DOCK2: variants seen among roughly 807,000 people sequenced by gnomAD.
The protein encoded by DOCK2 is dedicator of cytokinesis protein 2.
A neutral mutation model predicts 248.9 loss-of-function variants in DOCK2; 87 were observed. The ratio of observed to expected loss-of-function variants is 0.35; its 90% confidence interval spans 0.29 to 0.42. The LOEUF (loss-of-function observed/expected upper bound fraction) is 0.42. Among genes scored for constraint, DOCK2 ranks in the 10% least tolerant of loss-of-function variants. DOCK2 has a pLI of 1.00. For synonymous variants in DOCK2, 805 were observed against 821.6 expected (o/e 0.98, Z 0.35); for missense variants, 1,747 against 2,300.2 (o/e 0.76, Z 4.92).
chr5:169,860,761 T>C (rs1490072029), intron 27 of DOCK2, among the ~76,000 whole-genome samples: 2 of 152,232 alleles, frequency 1.3e-5, no homozygotes, highest in African/African-American at 4.8e-5. Context: ...TTTAGTCAAG[T>C]AGAAAATGGG....
intron 46 of DOCK2, among the ~76,000 whole-genome samples, chr5:170,070,112 G>A (rs984445237): frequency 6.6e-6 from 1 of 152,216 alleles, no homozygotes; most frequent in African/African-American, 2.4e-5. Flanking sequence ...TCAGACATTC[G>A]CCCACTCTGG....
intron 22 of DOCK2, among the ~76,000 whole-genome samples, chr5:169,726,298 T>C (rs1762470252): frequency 6.6e-6 from 1 of 152,248 alleles, no homozygotes; most frequent in South Asian, 2.1e-4. Flanking sequence ...GCTGCATAAA[T>C]GTCTTCTTTT....
intron 26 of DOCK2, among the ~76,000 whole-genome samples, chr5:169,828,075 T>C (rs1250088891): frequency 6.6e-6 from 1 of 152,028 alleles, no homozygotes; most frequent in Non-Finnish European, 1.5e-5. Context: ...TACAGATAGG[T>C]TTCTGGGGAG....
chr5:169,677,255 A>C (rs767226458), intron 6 of DOCK2, among the ~76,000 whole-genome samples: 10 of 152,260 alleles, frequency 6.6e-5, no homozygotes, highest in Non-Finnish European at 1.5e-4. Context: ...AGGAGCTATC[A>C]GGCAAATTAT....
At chr5:169,989,361 T>TA (rs1385788497) in intron 29 of DOCK2, among the ~76,000 whole-genome samples, 1 of 152,220 alleles carries the variant, frequency 6.6e-6, no homozygotes, top group Non-Finnish European at 1.5e-5. Context: ...AAACCTCTTT[T>TA]ACCTCTCTTC....
rs201930456 is a variant in DOCK2 at position 169,761,502 on chromosome 5, A to G, written c.2448-17A>G. On this transcript the variant is annotated splice_polypyrimidine_tract_variant and intron_variant, in intron 24 of 51. Coordinates refer to ENST00000520908, the MANE Select transcript of DOCK2 (RefSeq NM_004946.3). ...GGTCTGCCTTGCTCTACCAGCTCCT[A>G]TTTTTCCTGCCCTCAGCCAACTCCT... The G allele has an allele frequency of 1.1e-4, 184 of 1,609,410 alleles. No homozygotes were observed. The highest frequency in any genetic ancestry group is 1.6e-4 in the South Asian group (15 of 90,922).
intron 8 of DOCK2, among the ~76,000 whole-genome samples, chr5:169,685,918 T>C (rs1759947212): frequency 6.6e-6 from 1 of 152,214 alleles, no homozygotes; most frequent in South Asian, 2.1e-4. Context: ...CCCACGTAAG[T>C]CTGTCACCAA....
chr5:169,793,072 C>T (rs1766447870), intron 25 of DOCK2, among the ~76,000 whole-genome samples: 3 of 152,134 alleles, frequency 2.0e-5, no homozygotes, highest in African/African-American at 7.2e-5. Context: ...CATTTCCTGC[C>T]ATCGGAGAGA....
intron 27 of DOCK2, among the ~76,000 whole-genome samples, chr5:169,931,623 C>T (rs1243016519): frequency 1.3e-5 from 2 of 152,230 alleles, no homozygotes; most frequent in African/African-American, 4.8e-5. Flanking sequence ...CACAAGATCT[C>T]TGAGCCTGCT....
At chr5:169,808,561 T>A (rs1479395765) in intron 26 of DOCK2, among the ~76,000 whole-genome samples, 1 of 150,388 alleles carries the variant, frequency 6.6e-6, no homozygotes, top group East Asian at 2.0e-4. Flanking sequence ...ATAAAAGGCC[T>A]GACTTCTTCC....
intron 27 of DOCK2, among the ~76,000 whole-genome samples, chr5:169,902,184 C>A (rs1340739406): frequency 6.6e-6 from 1 of 152,162 alleles, no homozygotes; most frequent in African/African-American, 2.4e-5. Context: ...AGGGGAATAA[C>A]CAGTTAGTCT....
intron 25 of DOCK2, among the ~76,000 whole-genome samples, chr5:169,765,323 G>A (rs1188981440): frequency 6.6e-6 from 1 of 152,180 alleles, no homozygotes; most frequent in Non-Finnish European, 1.5e-5. Flanking sequence ...GTCATCACCA[G>A]CCAGGTTCCC....
chr5:169,931,345 A>G (rs938938119), intron 27 of DOCK2, among the ~76,000 whole-genome samples: 10 of 152,156 alleles, frequency 6.6e-5, no homozygotes, highest in Admixed American at 1.3e-4. Context: ...AAGAACACAA[A>G]CACCAGCGTC....
chr5:169,659,831 AAC>A (rs776691587), intron 2 of DOCK2, among the ~76,000 whole-genome samples: 7 of 152,204 alleles, frequency 4.6e-5, no homozygotes, highest in Non-Finnish European at 7.3e-5. Context: ...AGAAGGGACA[AAC>A]ACAAAAAAAA....
At chr5:169,708,046 G>A (rs1761371326) in intron 14 of DOCK2, 123 bp from the exon 15 acceptor site, 3 of 884,858 alleles carry the variant, frequency 3.4e-6, no homozygotes, top group Admixed American at 4.3e-5. Context: ...CTGGCATGAG[G>A]GCTAGGGAAG....
intron 29 of DOCK2, among the ~76,000 whole-genome samples, chr5:169,989,366 C>G (rs1778152572): frequency 6.6e-6 from 1 of 152,208 alleles, no homozygotes; most frequent in Admixed American, 6.5e-5. Flanking sequence ...TCTTTTACCT[C>G]TCTTCCATCT....
intron 8 of DOCK2, among the ~76,000 whole-genome samples, chr5:169,687,429 C>A (rs529250512): frequency 1.3e-5 from 2 of 152,070 alleles, no homozygotes. Context: ...TCTCATTAAC[C>A]TTTTAGGGGT....
intron 44 of DOCK2, among the ~76,000 whole-genome samples, chr5:170,059,366 G>T (rs1757249091): frequency 6.6e-6 from 1 of 152,132 alleles, no homozygotes; most frequent in African/African-American, 2.4e-5. Context: ...TAAGGAATCA[G>T]AAACTTTCTG....
At chr5:170,022,005 T>C (rs1228735873) in intron 33 of DOCK2, among the ~76,000 whole-genome samples, 1 of 152,158 alleles carries the variant, frequency 6.6e-6, no homozygotes, top group Non-Finnish European at 1.5e-5. Flanking sequence ...TTGTTCCCTC[T>C]CTAAAATGTG....
Sources: allele counts gnomAD v4.1 joint callset (sites outside exome capture counted in the v4.1 genomes callset), GRCh38; gene constraint gnomAD v4.1.1; transcripts MANE v1.5; gene names NCBI Gene and HGNC (gene_info 2026-07-23, HGNC 2026-07-21).